AMMECR1: variants seen among roughly 807,000 people sequenced by gnomAD.
The protein encoded by AMMECR1 is nuclear protein AMMECR1.
In AMMECR1, 3 loss-of-function variants were observed where a neutral mutation model predicts 22.5. The observed-to-expected ratio is 0.13, with a 90% CI of 0.06 to 0.35. The LOEUF (loss-of-function observed/expected upper bound fraction) is 0.35, where lower values mean the gene tolerates loss of function less well. AMMECR1 is among the 10% of genes least tolerant of loss of function. AMMECR1 has a pLI of 1.00. For missense variants in AMMECR1, 235 were observed against 278.7 expected, an observed-to-expected ratio of 0.84 and a Z score of 1.12; for synonymous variants, 130 against 116.7, an observed-to-expected ratio of 1.11 and a Z score of -0.74.
At chrX:110,236,864 T>C (rs2067604561) in intron 2 of AMMECR1, among the ~76,000 whole-genome samples, 1 of 112,178 alleles carries the variant, frequency 8.9e-6, no homozygotes, top group South Asian at 3.7e-4. Flanking sequence ...TTAACTGTTC[T>C]TTTTAGTCTT....
At chrX:110,413,513 A>AC (rs2068656050) in intron 2 of AMMECR1, among the ~76,000 whole-genome samples, 2 of 101,575 alleles carry the variant, frequency 2.0e-5, no homozygotes, top group African/African-American at 7.3e-5. Context: ...CCTCCTGGTC[A>AC]ACCCCCCCCC....
intron 2 of AMMECR1, among the ~76,000 whole-genome samples, chrX:110,384,632 A>G (rs1239100802): frequency 9.0e-6 from 1 of 111,323 alleles, no homozygotes; most frequent in Admixed American, 9.6e-5. Context: ...CTAAGAATCC[A>G]GAGGAAAATG....
intron 1 of AMMECR1, among the ~76,000 whole-genome samples, chrX:110,278,751 C>T (rs1428177545): frequency 8.9e-6 from 1 of 111,916 alleles, no homozygotes; most frequent in Admixed American, 9.5e-5. Context: ...GAAGACAAAT[C>T]AGCCAAAGGT....
rs1234574216 is a variant in AMMECR1, at chrX:110,388,328, T to C, written c.-148+38330A>G. 2.7e-5 allele frequency among the ~76,000 whole-genome samples: 3 copies of C among 112,039 alleles called. 1 individual carries two copies. In the Admixed American group the frequency reaches 2.8e-4, roughly 11 times the overall value. On this transcript the variant is annotated intron_variant, in intron 2 of 7. Transcript: ENST00000372057. Reference sequence around the variant, plus strand: ...TGATAGGATTCTGAAGAACTCAGTATGTAACCATCCTTCCAAACCTGGGTG... The same window carrying C: ...TGATAGGATTCTGAAGAACTCAGTACGTAACCATCCTTCCAAACCTGGGTG...
intron 2 of AMMECR1, among the ~76,000 whole-genome samples, chrX:110,348,444 T>G (rs1319630205): frequency 8.9e-6 from 1 of 112,407 alleles, no homozygotes; most frequent in Non-Finnish European, 1.9e-5. Flanking sequence ...TCACGATCCA[T>G]GCAAACTATG....
At chrX:110,227,555 T>A (rs2067540116) in intron 2 of AMMECR1, among the ~76,000 whole-genome samples, 1 of 112,435 alleles carries the variant, frequency 8.9e-6, no homozygotes, top group Non-Finnish European at 1.9e-5. Context: ...TTCCTTTCTC[T>A]TCTTCCTTTT....
chrX:110,410,297 G>A (rs1400927022), intron 2 of AMMECR1, among the ~76,000 whole-genome samples: 2 of 111,735 alleles, frequency 1.8e-5, no homozygotes, highest in Non-Finnish European at 3.8e-5. Flanking sequence ...TCTGCCTAGA[G>A]GTAGAGGACA....
chrX:110,267,144 A>C (rs2067773994), intron 1 of AMMECR1, among the ~76,000 whole-genome samples: 1 of 111,690 alleles, frequency 9.0e-6, no homozygotes, highest in African/African-American at 3.3e-5. Flanking sequence ...TGCTGCAATA[A>C]ACATATGTGT....
chrX:110,223,738 C>T (rs898308453), intron 2 of AMMECR1, among the ~76,000 whole-genome samples: 2 of 112,318 alleles, frequency 1.8e-5, no homozygotes, highest in Non-Finnish European at 3.8e-5. Flanking sequence ...CAAGGTATAA[C>T]AACAGTTCTC....
upstream of AMMECR1, among the ~76,000 whole-genome samples, chrX:110,322,376 G>T (rs2148230165): frequency 9.0e-6 from 1 of 111,634 alleles, no homozygotes; most frequent in African/African-American, 3.3e-5. Context: ...CTATAGTTTG[G>T]GAAAGTCTTT....
chrX:110,220,043 C>T (rs2067493005), intron 2 of AMMECR1, among the ~76,000 whole-genome samples: 1 of 111,818 alleles, frequency 8.9e-6, no homozygotes, highest in Non-Finnish European at 1.9e-5. Context: ...ATTCAGCTTT[C>T]CTCAACCAAG....
At chrX:110,380,576 C>T (rs1440904212) in intron 2 of AMMECR1, among the ~76,000 whole-genome samples, 2 of 111,516 alleles carry the variant, frequency 1.8e-5, no homozygotes, top group Non-Finnish European at 3.8e-5. Context: ...TGTCACTTTT[C>T]ACAGATTTAA....
At chrX:110,437,578 C>A (rs984318354) in intron 1 of AMMECR1, among the ~76,000 whole-genome samples, 1 of 112,025 alleles carries the variant, frequency 8.9e-6, no homozygotes, top group Non-Finnish European at 1.9e-5. Context: ...GGGGATGCTG[C>A]ATTCTTGACC....
rs760998839 is a variant in AMMECR1 at position 110,335,921 on chromosome X, T to TA, written c.-147-18073_-147-18072insT. ...ATGATTTCAAATAGTGATAACTGAGTGCTATAAGAAAAGTAAAACAGGGTA... is the reference window on the plus strand; with the variant it reads ...ATGATTTCAAATAGTGATAACTGAGTAGCTATAAGAAAAGTAAAACAGGGTA... On this transcript the variant is annotated intron_variant, in intron 2 of 7. Coordinates refer to the AMMECR1 transcript ENST00000372057. 8.5e-4 allele frequency among the ~76,000 whole-genome samples: 95 copies of TA among 111,483 alleles called. 1 individual carries two copies. Among genetic ancestry groups the TA allele is most frequent in the African/African-American group, 2.9e-3 (90 of 30,687 alleles).
chrX:110,195,305 C>T lies in AMMECR1; in HGVS notation c.*3215G>A, dbSNP rs924050297. On this transcript the variant is annotated 3_prime_UTR_variant, in exon 6 of 6. Transcript: ENST00000262844. ...CTTCCTCCATCAATTTCACTGACCTCTCGTGTTAGGGGAGACTACAGAGGG... is the reference window on the plus strand; with the variant it reads ...CTTCCTCCATCAATTTCACTGACCTTTCGTGTTAGGGGAGACTACAGAGGG... 9.0e-6 allele frequency: 1 copy of T among 111,423 alleles called. No individual in the cohort carries two copies. Among genetic ancestry groups the T allele is most frequent in the African/African-American group, 3.3e-5 (1 of 30,591 alleles). The allele number at this position is 111,423 out of a possible 1,213,427, so 9.2% of individuals were successfully genotyped here.
In AMMECR1 at chrX:110,244,124, T is replaced by A. The variant is rs146342861; in HGVS notation, c.584+20365A>T. On this transcript the variant is annotated intron_variant, in intron 2 of 5. Transcript: ENST00000262844. ...TCTTCAACTCTTCCCTTTAGCTTAC[T>A]TTCCACAAGTCTCATCTTGTTCAAT... 6.8e-3 allele frequency among the ~76,000 whole-genome samples: 756 copies of A among 111,807 alleles called. 5 individuals carry two copies. The highest frequency in any genetic ancestry group is 0.011 in the Non-Finnish European group (564 of 53,122).
At chrX:110,200,884 A>C in intron 5 of AMMECR1, 70 bp downstream of exon 5, 1 of 758,312 alleles carries the variant, frequency 1.3e-6, no homozygotes, top group Non-Finnish European at 2.0e-6. Context: ...AGACCAAAGA[A>C]ATCAAAGGGT....
At chrX:110,438,884 A>T (rs1035910003) in intron 1 of AMMECR1, among the ~76,000 whole-genome samples, 4 of 112,238 alleles carry the variant, frequency 3.6e-5, no homozygotes, top group Admixed American at 2.8e-4. Flanking sequence ...TAAAAGGGCA[A>T]AATATGCTTG....
chrX:110,315,318 A>G (rs1173281191), intron 1 of AMMECR1, among the ~76,000 whole-genome samples: 1 of 112,178 alleles, frequency 8.9e-6, no homozygotes, highest in Non-Finnish European at 1.9e-5. Flanking sequence ...CACTTAAGTG[A>G]ACTTTCATTC....
Sources: allele counts gnomAD v4.1 joint callset (sites outside exome capture counted in the v4.1 genomes callset), GRCh38; gene constraint gnomAD v4.1.1; transcripts MANE v1.5; gene names NCBI Gene and HGNC (gene_info 2026-07-23, HGNC 2026-07-21).